DISP1: variants seen among roughly 807,000 people sequenced by gnomAD.
The protein encoded by DISP1 is dispatched RND transporter family member 1.
Under a neutral mutation model 37.3 loss-of-function variants are expected in DISP1, and 30 were observed. The observed-to-expected ratio is 0.80, with a 90% CI of 0.60 to 1.09. DISP1 has a LOEUF of 1.09. DISP1 is among the 50% of genes least tolerant of loss of function. The pLI is 0.00. For synonymous variants in DISP1, 634 were observed against 690.2 expected (o/e 0.92, Z 1.28); for missense variants, 1,598 against 1,879.5 (o/e 0.85, Z 2.77).
Position 223,002,653 on chromosome 1 carries a change from C to G in DISP1, c.1256C>G (p.Thr419Ser), listed in dbSNP as rs1679547662. ...LKCTNVPRKC[T>S]KYNAVYQILH... ...TGCACCAATGTGCCACGCAAATGTA[C>G]CAAGTACAATGCTGTGTACCAGATC... The change falls in exon 9 of 9, where the codon ACC becomes AGC. Residue 419 changes from threonine (T) to serine (S), a missense_variant. Transcript: ENST00000675850. 2 of 1,614,130 alleles carry G rather than the reference C, an allele frequency of 1.2e-6. No homozygotes were observed. The highest frequency in any genetic ancestry group is 2.2e-5 in the South Asian group (2 of 91,072).
rs1180963823 is a variant in DISP1 at position 223,005,683 on chromosome 1, G to C, written c.4286G>C (p.Gly1429Ala). The C allele has an allele frequency of 4.3e-6, 7 of 1,613,976 alleles. No homozygotes were observed. The highest frequency in any genetic ancestry group is 5.9e-6 in the Non-Finnish European group (7 of 1,180,044). Residue 1429 changes from glycine to alanine, a missense_variant, in exon 9 of 9, where the codon GGA (glycine) becomes GCA (alanine). Gly to Ala is a moderately conservative substitution (Grantham distance 60). Coordinates refer to ENST00000675850, the MANE Select transcript of DISP1 (RefSeq NM_001377229.1). ...NRDVSNLESS[G>A]GTENKAGGKV... is the part of the protein sequence containing the mutation. ...GACGTGAGCAATCTGGAGAGCAGTG[G>C]AGGGACTGAAAACAAGGCAGGAGGG... is the stretch of plus-strand genomic sequence containing the variant.
intron 3 of DISP1, among the ~76,000 whole-genome samples, chr1:222,968,589 T>A (rs1203577030): frequency 1.3e-5 from 2 of 152,226 alleles, no homozygotes; most frequent in Non-Finnish European, 2.9e-5. Context: ...TTTACAATAT[T>A]GGGTGCTGTA....
At chr1:222,834,530 A>T (rs967530374) in intron 1 of DISP1, among the ~76,000 whole-genome samples, 10 of 152,212 alleles carry the variant, frequency 6.6e-5, no homozygotes, top group African/African-American at 2.4e-4. Flanking sequence ...ATAAAGGCGT[A>T]CACGAGGTCT....
chr1:222,967,482 ATC>A (rs1401120545), intron 3 of DISP1, among the ~76,000 whole-genome samples: 3 of 152,172 alleles, frequency 2.0e-5, no homozygotes, highest in African/African-American at 7.2e-5. Flanking sequence ...CATCTTTTCC[ATC>A]TCTCTGTCAA....
At chr1:222,948,441 G>A (rs546169404) in intron 3 of DISP1, among the ~76,000 whole-genome samples, 1 of 152,380 alleles carries the variant, frequency 6.6e-6, no homozygotes, top group East Asian at 1.9e-4. Flanking sequence ...GAACAGGGCA[G>A]TTTGGGAAAG....
intron 8 of DISP1, among the ~76,000 whole-genome samples, chr1:222,998,265 T>A (rs537696245): frequency 1.2e-4 from 18 of 151,410 alleles, no homozygotes; most frequent in Admixed American, 1.2e-3. Context: ...GGTTGTTATA[T>A]GGAAGCACTT....
chr1:222,889,778 C>A (rs1670841775), intron 1 of DISP1, among the ~76,000 whole-genome samples: 1 of 152,066 alleles, frequency 6.6e-6, no homozygotes, highest in South Asian at 2.1e-4. Context: ...ATCTTGAAAA[C>A]TTCTTTTACA....
chr1:222,984,803 C>A (rs1379931232), intron 4 of DISP1, among the ~76,000 whole-genome samples: 1 of 152,004 alleles, frequency 6.6e-6, no homozygotes, highest in East Asian at 1.9e-4. Context: ...TTTCTCCTAC[C>A]CCCAGGCCCT....
intron 8 of DISP1, among the ~76,000 whole-genome samples, chr1:222,995,395 G>A (rs1186928087): frequency 2.6e-5 from 4 of 152,126 alleles, no homozygotes; most frequent in African/African-American, 4.8e-5. Context: ...CTGCCTCTCT[G>A]GCAATCACTG....
rs949588915 is a variant in DISP1, at chr1:223,005,301, A to G, written c.3904A>G (p.Thr1302Ala). The change falls in exon 9 of 9, where the codon ACT becomes GCT. Residue 1302 changes from threonine to alanine, a missense_variant. Thr to Ala is a moderately conservative substitution (Grantham distance 58). Coordinates refer to ENST00000675850, the MANE Select transcript of DISP1 (RefSeq NM_001377229.1). ...CTTGTGCCACCAGTGCTCTCCTACC[A>G]CTAGCAGCTTTGTCCAGATCCAAAA... Reference protein sequence around the residue: ...DCLCHQCSPTTSSFVQIQNGV... With the variant: ...DCLCHQCSPTASSFVQIQNGV... The G allele has an allele frequency of 2.5e-6, 4 of 1,613,538 alleles. No individual in the cohort carries two copies. The highest frequency in any genetic ancestry group is 2.7e-5 in the African/African-American group (2 of 74,880).
intron 1 of DISP1, among the ~76,000 whole-genome samples, chr1:222,862,100 G>A (rs1668911879): frequency 6.6e-6 from 1 of 152,176 alleles, no homozygotes; most frequent in African/African-American, 2.4e-5. Flanking sequence ...CTTGTCCATT[G>A]TCTGGCATGT....
chr1:223,004,946 A>G lies in DISP1; in HGVS notation c.3549A>G (p.Pro1183=), dbSNP rs1277043944. ...INAYHLDPRG[P]KSELEHEFYE... is the part of the protein sequence containing the mutation. ...CTTATCATTTAGATCCCAGGGGCCC[A>G]AAATCTGAACTGGAGCATGAGTTTT... Residue 1183 remains proline (P), a synonymous_variant, in exon 9 of 9, where the codon CCA becomes CCG. Transcript: ENST00000675850. This position sits in a 1 kb window ranked among gnomAD's most constrained non-coding sequence, Gnocchi z 4.9. The G allele has an allele frequency of 1.3e-5, 21 of 1,613,292 alleles. No homozygotes were observed. The highest frequency in any genetic ancestry group is 1.6e-5 in the Non-Finnish European group (19 of 1,180,028).
rs368911411 is a variant in DISP1 at position 222,937,124 on chromosome 1, C to G, written c.-17-5683C>G. ...ATATATTTTGAGACGGAGTCTTGCTCTGTCGCCCAGGCTGGAGTGCAGTGG... is the reference window on the plus strand; with the variant it reads ...ATATATTTTGAGACGGAGTCTTGCTGTGTCGCCCAGGCTGGAGTGCAGTGG... On this transcript the variant is annotated intron_variant, in intron 2 of 8. Transcript: ENST00000675850. Among the ~76,000 whole-genome samples the G allele has an allele frequency of 4.5e-4, 65 of 143,782 alleles. No individual in the cohort carries two copies. In the East Asian group the frequency reaches 9.2e-3, roughly 20 times the overall value. The allele number at this position is 143,782 out of a possible 152,430, so 94.3% of individuals were successfully genotyped here.
chr1:222,921,940 G>A (rs1300523239), intron 1 of DISP1, among the ~76,000 whole-genome samples: 1 of 152,178 alleles, frequency 6.6e-6, no homozygotes, highest in Non-Finnish European at 1.5e-5. Context: ...CTCAGGTCAT[G>A]TATGTAACTT....
intron 1 of DISP1, among the ~76,000 whole-genome samples, chr1:222,837,737 A>G (rs1247888864): frequency 2.0e-5 from 3 of 152,216 alleles, no homozygotes; most frequent in Middle Eastern, 3.2e-3. Flanking sequence ...CAAAAATATA[A>G]TTTATCTAGA....
At position 222,942,767 on chromosome 1, in the gene DISP1, C is replaced by T. The variant is rs75109669; in HGVS notation, c.-17-40C>T. The T allele has an allele frequency of 0.18, 284,017 of 1,611,098 alleles. 26,766 individuals carry two copies. Among genetic ancestry groups the T allele is most frequent in the African/African-American group, 0.2 (14,848 of 74,866 alleles). ...CTTGTCTTTCCTACATATTTGCCTGCCTGACTGTAACTGGGCGATTTTATG... is the reference window on the plus strand; with the variant it reads ...CTTGTCTTTCCTACATATTTGCCTGTCTGACTGTAACTGGGCGATTTTATG... On this transcript the variant is annotated intron_variant, in intron 2 of 8. Transcript: ENST00000675850.
Position 222,874,588 on chromosome 1 carries a change from G to A in DISP1, c.-158-53842G>A, listed in dbSNP as rs183004450. ...CTTGTGCATTCGTCATGTAGTTCTC[G>A]TGCCTTGGTTTTCAGCTCCATCAGG... On this transcript the variant is annotated intron_variant, in intron 1 of 8. Coordinates refer to ENST00000675850, the MANE Select transcript of DISP1 (RefSeq NM_001377229.1). 3.0e-3 allele frequency among the ~76,000 whole-genome samples: 459 copies of A among 152,004 alleles called. 3 individuals are homozygous for A. The highest frequency in any genetic ancestry group is 0.011 in the African/African-American group (441 of 41,458).
intron 3 of DISP1, among the ~76,000 whole-genome samples, chr1:222,948,769 T>C (rs971073465): frequency 6.6e-6 from 1 of 152,204 alleles, no homozygotes; most frequent in Admixed American, 6.5e-5. Context: ...AGAGTAAAAT[T>C]GTATGGTGAT....
At chr1:222,871,998 G>T (rs1387922020) in intron 1 of DISP1, among the ~76,000 whole-genome samples, 1 of 150,040 alleles carries the variant, frequency 6.7e-6, no homozygotes, top group Non-Finnish European at 1.5e-5. Flanking sequence ...TTAGCATGAA[G>T]GGTTGTTGAA....
Sources: allele counts gnomAD v4.1 joint callset (sites outside exome capture counted in the v4.1 genomes callset), GRCh38; gene constraint gnomAD v4.1.1; non-coding constraint Gnocchi (gnomAD v3.1); transcripts MANE v1.5; gene names NCBI Gene and HGNC (gene_info 2026-07-23, HGNC 2026-07-21).